The following RMST variants were observed in gnomAD, a reference collection of about 807,000 sequenced individuals.
The protein encoded by RMST is long intergenic non-protein coding RNA 54.
chr12:97,510,835 G>A (rs868732081), intron 10 of RMST, among the ~76,000 whole-genome samples: 1 of 152,042 alleles, frequency 6.6e-6, no homozygotes, highest in Non-Finnish European at 1.5e-5. Context: ...AAAGTCGATA[G>A]GCTGAATGTT....
At chr12:97,559,571 T>A (rs1426728055) in intron 11 of RMST, among the ~76,000 whole-genome samples, 1 of 152,100 alleles carries the variant, frequency 6.6e-6, no homozygotes, top group Non-Finnish European at 1.5e-5. Context: ...AATATTATAG[T>A]CAGGAATATC....
chr12:97,491,492 C>T (rs544203242), intron 5 of RMST, among the ~76,000 whole-genome samples: 21 of 152,234 alleles, frequency 1.4e-4, no homozygotes, highest in African/African-American at 5.1e-4. Context: ...CCTTTTAACC[C>T]GTTTGTGTGT....
intron 10 of RMST, among the ~76,000 whole-genome samples, chr12:97,511,021 G>C (rs1411072126): frequency 6.6e-6 from 1 of 151,988 alleles, no homozygotes; most frequent in Admixed American, 6.6e-5. Flanking sequence ...TCCAAAATTT[G>C]ACTTAAATTT....
At chr12:97,527,540 A>C (rs1318061638) in intron 10 of RMST, among the ~76,000 whole-genome samples, 1 of 152,178 alleles carries the variant, frequency 6.6e-6, no homozygotes, top group Non-Finnish European at 1.5e-5. Context: ...TAAGAAAAGT[A>C]AGAGTGCTGA....
At chr12:97,500,773 G>A (rs1185891574) in intron 10 of RMST, among the ~76,000 whole-genome samples, 1 of 152,138 alleles carries the variant, frequency 6.6e-6, no homozygotes, top group Non-Finnish European at 1.5e-5. Flanking sequence ...AGGTCAGCCC[G>A]ACCCTGAACA....
chr12:97,544,025 T>C (rs1169541897), intron 11 of RMST, among the ~76,000 whole-genome samples: 1 of 152,078 alleles, frequency 6.6e-6, no homozygotes, highest in Non-Finnish European at 1.5e-5. Context: ...ACTTTTCCTA[T>C]TTTGTATTAT....
At chr12:97,508,894 G>A (rs1489808588) in intron 10 of RMST, among the ~76,000 whole-genome samples, 1 of 152,152 alleles carries the variant, frequency 6.6e-6, no homozygotes, top group Non-Finnish European at 1.5e-5. Flanking sequence ...CAATCGTGGA[G>A]GTTTAGGCAG....
intron 10 of RMST, among the ~76,000 whole-genome samples, chr12:97,499,807 G>A (rs1877886653): frequency 6.6e-6 from 1 of 151,850 alleles, no homozygotes; most frequent in Non-Finnish European, 1.5e-5. Flanking sequence ...TTACAGGTGT[G>A]TGCCACCACT....
At chr12:97,481,598 C>T (rs1027158843) in intron 5 of RMST, among the ~76,000 whole-genome samples, 4 of 152,092 alleles carry the variant, frequency 2.6e-5, no homozygotes, top group African/African-American at 9.6e-5. Context: ...ATGCTATTTT[C>T]TCAGGAAGAA....
chr12:97,530,937 G>C (rs1881557938), intron 11 of RMST: 1 of 148,342 alleles, frequency 6.7e-6, no homozygotes, highest in Non-Finnish European at 1.5e-5. Flanking sequence ...TTCTTTTTTT[G>C]TTTCTTGACC....
chr12:97,539,562 T>C (rs1440375025), intron 11 of RMST, among the ~76,000 whole-genome samples: 1 of 151,618 alleles, frequency 6.6e-6, no homozygotes, highest in African/African-American at 2.4e-5. Flanking sequence ...AGTACAGCAA[T>C]CTATTCTAAA....
chr12:97,470,159 C>A (rs1873731919), intron 5 of RMST, among the ~76,000 whole-genome samples: 1 of 152,096 alleles, frequency 6.6e-6, no homozygotes. Flanking sequence ...AATTAAATCC[C>A]CAAGTTCTTT....
intron 5 of RMST, among the ~76,000 whole-genome samples, chr12:97,489,401 C>T (rs930279956): frequency 2.0e-5 from 3 of 151,212 alleles, no homozygotes; most frequent in Non-Finnish European, 4.4e-5. Flanking sequence ...GAGCTGTGAT[C>T]GTGCCACTGC....
Position 97,524,075 on chromosome 12 carries a change from CAAA to C in RMST, n.1341-6554_1341-6552del, listed in dbSNP as rs537840796. On this transcript the variant is annotated intron_variant and non_coding_transcript_variant, in intron 10 of 13. Coordinates refer to ENST00000640149, the Ensembl canonical transcript of RMST. The stretch of plus-strand genomic sequence containing the variant: ...TGGGCAACAGAGTGAGACTCTGTCT[CAAA>C]AAAAAAAAAAAAAAAAAAAAAAAAA... Among the ~76,000 whole-genome samples the C allele has an allele frequency of 6.6e-4, 37 of 56,130 alleles. 5 individuals are homozygous for C. Among genetic ancestry groups the C allele is most frequent in the South Asian group, 3.1e-3 (4 of 1,304 alleles). The allele number at this position is 56,130 out of a possible 152,430, so 36.8% of individuals were successfully genotyped here. A position where few individuals can be genotyped will look rare whatever the true frequency, so the allele number is the denominator to read the frequency against.
At chr12:97,500,370 A>T (rs1362088663) in intron 10 of RMST, among the ~76,000 whole-genome samples, 1 of 152,140 alleles carries the variant, frequency 6.6e-6, no homozygotes, top group African/African-American at 2.4e-5. Context: ...CATGGACTGA[A>T]ATCAGGAAGC....
chr12:97,555,273 C>T (rs941418203), intron 11 of RMST, among the ~76,000 whole-genome samples: 1 of 152,172 alleles, frequency 6.6e-6, no homozygotes, highest in Admixed American at 6.5e-5. Flanking sequence ...AATATCTTGA[C>T]TGTATATTGA....
intron 4 of RMST, chr12:97,465,608 G>A (rs907509631): frequency 6.6e-6 from 1 of 152,102 alleles, no homozygotes; most frequent in African/African-American, 2.4e-5. Flanking sequence ...TGAGATTGTG[G>A]CTTTGTAGTA....
Position 97,550,811 on chromosome 12 carries a change from G to T in RMST, n.1546-9726G>T, listed in dbSNP as rs188446317. 1.6e-4 allele frequency among the ~76,000 whole-genome samples: 25 copies of T among 152,236 alleles called. No homozygotes were observed. The East Asian group carries it at 4.3e-3, about 26-fold the overall frequency. On this transcript the variant is annotated intron_variant and non_coding_transcript_variant, in intron 11 of 13. Coordinates refer to ENST00000640149, the Ensembl canonical transcript of RMST. ...ATATTCATGCACATACATGCAAAAT[G>T]CAAAAGGGAAAGTATTTGGCTTTTC...
At chr12:97,480,600 A>G (rs1875162138) in intron 5 of RMST, among the ~76,000 whole-genome samples, 1 of 152,016 alleles carries the variant, frequency 6.6e-6, no homozygotes, top group Admixed American at 6.6e-5. Flanking sequence ...GTGTTTCCCT[A>G]CTCTGCCAGA....
Sources: allele counts gnomAD v4.1 joint callset (sites outside exome capture counted in the v4.1 genomes callset), GRCh38; gene constraint gnomAD v4.1.1; transcripts MANE v1.5; gene names NCBI Gene and HGNC (gene_info 2026-07-23, HGNC 2026-07-21).